The following A1CF variants were observed in gnomAD, a reference collection of about 807,000 sequenced individuals.
A1CF encodes APOBEC-1 stimulating protein.
A neutral mutation model predicts 68.9 loss-of-function variants in A1CF; 48 were observed. The observed-to-expected ratio is 0.70, with a 90% CI of 0.55 to 0.89. The LOEUF (loss-of-function observed/expected upper bound fraction) is 0.89. A1CF is among the 40% of genes least tolerant of loss of function. The pLI is 0.00. For synonymous variants in A1CF, 272 were observed against 260.4 expected (o/e 1.04, Z -0.43); for missense variants, 653 against 718.9 (o/e 0.91, Z 1.05).
At chr10:50,835,980 AAGAT>A (rs1839468916) in intron 6 of A1CF, 90 bp downstream of exon 6, 5 of 1,204,530 alleles carry the variant, frequency 4.2e-6, no homozygotes, top group Non-Finnish European at 5.8e-6. Flanking sequence ...AGCGTAATGA[AAGAT>A]AGCCAAAAAA....
intron 10 of A1CF, among the ~76,000 whole-genome samples, chr10:50,812,202 T>C (rs1194271220): frequency 1.3e-5 from 2 of 152,236 alleles, no homozygotes; most frequent in Non-Finnish European, 2.9e-5. Context: ...GTAGATATTA[T>C]GCCTGCTTGT....
At position 50,819,310 on chromosome 10, in the gene A1CF, A is replaced by G. The variant is rs567761340; in HGVS notation, c.867+1242T>C. Reference sequence around the variant, plus strand: ...CATGCTCGGCTAATTTTTTGTAGAGATGAGGTCTTGCCATCTTGTCCAGGC... The same window carrying G: ...CATGCTCGGCTAATTTTTTGTAGAGGTGAGGTCTTGCCATCTTGTCCAGGC... On this transcript the variant is annotated intron_variant, in intron 8 of 12. Coordinates refer to ENST00000373997, the MANE Select transcript of A1CF (RefSeq NM_014576.4). 1.6e-3 allele frequency among the ~76,000 whole-genome samples: 243 copies of G among 152,084 alleles called. 3 individuals are homozygous for G. Among genetic ancestry groups the G allele is most frequent in the South Asian group, 8.3e-3 (40 of 4,814 alleles).
At chr10:50,874,804 G>A (rs945792475) in intron 1 of A1CF, among the ~76,000 whole-genome samples, 1 of 152,164 alleles carries the variant, frequency 6.6e-6, no homozygotes, top group Admixed American at 6.6e-5. Flanking sequence ...AACCGCCGTA[G>A]CAGAGCCAGG....
chr10:50,863,506 C>G (rs2132543591), intron 2 of A1CF, among the ~76,000 whole-genome samples: 1 of 152,202 alleles, frequency 6.6e-6, no homozygotes, highest in South Asian at 2.1e-4. Context: ...TATTTATCAC[C>G]TATTAATTCA....
intron 7 of A1CF, among the ~76,000 whole-genome samples, chr10:50,826,290 G>A (rs1203714617): frequency 6.6e-6 from 1 of 152,034 alleles, no homozygotes; most frequent in Non-Finnish European, 1.5e-5. Flanking sequence ...AGGACCACAT[G>A]GCTTGATTTT....
At chr10:50,866,468 A>G (rs1230670535) in intron 1 of A1CF, among the ~76,000 whole-genome samples, 1 of 152,314 alleles carries the variant, frequency 6.6e-6, no homozygotes. Context: ...ATAGTTCACT[A>G]TTGGGCAAAG....
intron 6 of A1CF, among the ~76,000 whole-genome samples, chr10:50,832,990 A>G (rs1477427612): frequency 6.6e-6 from 1 of 152,164 alleles, no homozygotes; most frequent in Non-Finnish European, 1.5e-5. Flanking sequence ...TGCCATGAAG[A>G]TGATTACCCA....
chr10:50,866,557 G>A (rs1840999546), intron 1 of A1CF, among the ~76,000 whole-genome samples: 1 of 152,242 alleles, frequency 6.6e-6, no homozygotes, highest in Non-Finnish European at 1.5e-5. Flanking sequence ...GGAAACAGAT[G>A]AGAAGGAAGT....
rs758253103 is a variant in A1CF, at chr10:50,836,219, T to C, written c.459A>G (p.Leu153=). The C allele has an allele frequency of 6.2e-7, 1 of 1,613,916 alleles. No individual in the cohort carries two copies. Among genetic ancestry groups the C allele is most frequent in the African/African-American group, 1.3e-5 (1 of 74,936 alleles). The change falls in exon 6 of 13, where the codon TTA becomes TTG. Residue 153 remains leucine, a synonymous_variant. Coordinates refer to ENST00000373997, the MANE Select transcript of A1CF (RefSeq NM_014576.4). ...IPKTKKREEI[L]SEMKKVTEGV... Reference sequence around the variant, plus strand: ...CTTCAGTAACCTTTTTCATCTCCGATAAGATTTCTTCTCTCTTTTTGGTTT... The same window carrying C: ...CTTCAGTAACCTTTTTCATCTCCGACAAGATTTCTTCTCTCTTTTTGGTTT...
chr10:50,803,864 A>C lies in A1CF; in HGVS notation c.*2865T>G, dbSNP rs1837710235. 6.6e-6 allele frequency: 1 copy of C among 152,236 alleles called. No individual in the cohort carries two copies. The highest frequency in any genetic ancestry group is 1.5e-5 in the Non-Finnish European group (1 of 68,032). The allele number at this position is 152,236 out of a possible 1,614,324, so 9.4% of individuals were successfully genotyped here. A position where few individuals can be genotyped will look rare whatever the true frequency, so the allele number is the denominator to read the frequency against. ...ATTACAGAAAAATTGATAGTGATGC[A>C]GAAGGTATGAAGGTATTATATAGGT... On this transcript the variant is annotated 3_prime_UTR_variant, in exon 13 of 13. Coordinates refer to ENST00000373997, the MANE Select transcript of A1CF (RefSeq NM_014576.4).
rs182645496 is a variant in A1CF at position 50,819,785 on chromosome 10, C to G, written c.867+767G>C. 2.1e-3 allele frequency among the ~76,000 whole-genome samples: 323 copies of G among 152,228 alleles called. 1 individual carries two copies. The highest frequency in any genetic ancestry group is 7.4e-3 in the African/African-American group (309 of 41,540). ...TTGAAATTATACCCAATTTTCGTGG[C>G]TTCTCTTAAATATTATCTTCTCATA... On this transcript the variant is annotated intron_variant, in intron 8 of 12. Coordinates refer to ENST00000373997, the MANE Select transcript of A1CF (RefSeq NM_014576.4).
chr10:50,844,001 G>C lies in A1CF; in HGVS notation c.221C>G (p.Pro74Arg). The C allele has an allele frequency of 6.2e-7, 1 of 1,613,386 alleles. No individual in the cohort carries two copies. The highest frequency in any genetic ancestry group is 8.5e-7 in the Non-Finnish European group (1 of 1,179,644). ...ATTTGGACTCACTTTTTCACATAAT[G>C]GTATAAGCTCATCCTCAAAAAGGTC... ...PRDLFEDELI[P>R]LCEKIGKIYE... is the part of the protein sequence containing the mutation. Residue 74 changes from proline (P) to arginine (R), a missense_variant, in exon 4 of 13, where the codon CCA (proline) becomes CGA (arginine). Transcript: ENST00000373997.
rs193028419 is a variant in A1CF, at chr10:50,849,148, T to C, written c.100-5026A>G. ...ACCAACAGGATCCTCTTCAATGTGA[T>C]TTTACCTTTGGTCTCTTCTAAAGTT... On this transcript the variant is annotated intron_variant, in intron 3 of 12. Coordinates refer to ENST00000373997, the MANE Select transcript of A1CF (RefSeq NM_014576.4). Among the ~76,000 whole-genome samples the C allele has an allele frequency of 1.8e-3, 273 of 152,296 alleles. 1 individual carries two copies. The highest frequency in any genetic ancestry group is 6.2e-3 in the African/African-American group (257 of 41,570).
intron 1 of A1CF, among the ~76,000 whole-genome samples, chr10:50,873,200 C>T (rs866522077): frequency 3.3e-5 from 5 of 152,106 alleles, no homozygotes; most frequent in Non-Finnish European, 5.9e-5. Context: ...CAGTGATTCA[C>T]TCACCTTGGC....
At chr10:50,852,647 G>A (rs1489064147) in intron 3 of A1CF, among the ~76,000 whole-genome samples, 3 of 152,076 alleles carry the variant, frequency 2.0e-5, no homozygotes, top group Non-Finnish European at 4.4e-5. Context: ...AGGCAATAGA[G>A]GAAAAAGTAG....
At chr10:50,809,260 T>C (rs889920443) in intron 12 of A1CF, among the ~76,000 whole-genome samples, 1 of 152,156 alleles carries the variant, frequency 6.6e-6, no homozygotes, top group Non-Finnish European at 1.5e-5. Flanking sequence ...TTGAGTTGAG[T>C]CCTGATTATT....
chr10:50,866,185 G>A (rs577476663), intron 1 of A1CF, among the ~76,000 whole-genome samples: 16 of 152,244 alleles, frequency 1.1e-4, no homozygotes, highest in African/African-American at 3.4e-4. Flanking sequence ...TTGTTTCTCT[G>A]CATTTATGAA....
intron 7 of A1CF, among the ~76,000 whole-genome samples, chr10:50,827,695 A>G (rs1839023116): frequency 6.6e-6 from 1 of 152,230 alleles, no homozygotes; most frequent in Non-Finnish European, 1.5e-5. Flanking sequence ...GGAAAGATCT[A>G]AAATTGACAC....
intron 1 of A1CF, among the ~76,000 whole-genome samples, chr10:50,874,686 G>A (rs537923399): frequency 1.3e-5 from 2 of 152,284 alleles, no homozygotes; most frequent in South Asian, 4.1e-4. Context: ...TCCAGTTTGA[G>A]TAAATCCCTT....
Sources: allele counts gnomAD v4.1 joint callset (sites outside exome capture counted in the v4.1 genomes callset), GRCh38; gene constraint gnomAD v4.1.1; transcripts MANE v1.5; gene names NCBI Gene and HGNC (gene_info 2026-07-23, HGNC 2026-07-21).